Variants in ADGB observed in about 807,000 individuals in gnomAD.
The protein encoded by ADGB is calpain-7-like protein.
ADGB carries 172 observed loss-of-function variants against 210.5 expected under a neutral mutation model. The observed-to-expected ratio is 0.82, with a 90% CI of 0.72 to 0.93. The LOEUF (loss-of-function observed/expected upper bound fraction) is 0.93, where lower values mean the gene tolerates loss of function less well. ADGB is among the 40% of genes least tolerant of loss of function. The probability of loss-of-function intolerance (pLI) is 0.00; values close to 1 mark genes in which losing one functional copy is unlikely to be tolerated. For missense variants in ADGB, 2,025 were observed against 1,964.8 expected (o/e 1.03, Z -0.58); for synonymous variants, 658 against 662.7 (o/e 0.99, Z 0.11).
intron 3 of ADGB, among the ~76,000 whole-genome samples, chr6:146,647,110 A>AC (rs1775628746): frequency 1.3e-5 from 2 of 150,162 alleles, no homozygotes; most frequent in Admixed American, 1.3e-4. Context: ...AAAAACAAAA[A>AC]ACAAAAAACA....
At chr6:146,650,835 C>G (rs1775691575) in intron 3 of ADGB, among the ~76,000 whole-genome samples, 2 of 152,018 alleles carry the variant, frequency 1.3e-5, no homozygotes, top group African/African-American at 4.8e-5. Context: ...CAAACTAATC[C>G]CTGAAAGGGG....
intron 1 of ADGB, among the ~76,000 whole-genome samples, chr6:146,603,729 T>C (rs1391174049): frequency 2.6e-5 from 4 of 152,152 alleles, no homozygotes; most frequent in African/African-American, 9.7e-5. Context: ...TCAACATGTC[T>C]CTCTATATGA....
In ADGB at chr6:146,621,083, T is replaced by C. The variant is rs77437826; in HGVS notation, c.75-14292T>C. 7.6e-3 allele frequency among the ~76,000 whole-genome samples: 1,159 copies of C among 152,248 alleles called. 12 individuals carry two copies. The highest frequency in any genetic ancestry group is 0.01 in the Non-Finnish European group (697 of 68,018). On this transcript the variant is annotated intron_variant, in intron 1 of 35. Coordinates refer to ENST00000397944, the MANE Select transcript of ADGB (RefSeq NM_024694.4). ...TACTGTTTCCTCGTGTAGAAAAAAC[T>C]TACAGTGAGCACCAAAACTTAAACT...
At chr6:146,647,349 G>A (rs1014642541) in intron 3 of ADGB, among the ~76,000 whole-genome samples, 11 of 151,902 alleles carry the variant, frequency 7.2e-5, no homozygotes, top group Admixed American at 2.6e-4. Context: ...TGCCCAAAAA[G>A]CAAAGAGAAA....
Position 146,779,327 on chromosome 6 carries a change from G to C in ADGB, c.3863-2693G>C, listed in dbSNP as rs73006087. Reference sequence around the variant, plus strand: ...AGGAAGAGATCTTCAGAGACTTGTGGGACACCATCACACATACCAGCATGT... The same window carrying C: ...AGGAAGAGATCTTCAGAGACTTGTGCGACACCATCACACATACCAGCATGT... On this transcript the variant is annotated intron_variant, in intron 29 of 35. Transcript: ENST00000397944. Among the ~76,000 whole-genome samples the C allele has an allele frequency of 3.4e-3, 524 of 152,256 alleles. 2 individuals are homozygous for C. Among genetic ancestry groups the C allele is most frequent in the Non-Finnish European group, 5.9e-3 (404 of 68,018 alleles).
intron 8 of ADGB, among the ~76,000 whole-genome samples, chr6:146,675,127 T>C (rs1313226421): frequency 6.6e-6 from 1 of 152,232 alleles, no homozygotes; most frequent in Middle Eastern, 3.4e-3. Context: ...TCTTTACTTT[T>C]ATATCTAATT....
At chr6:146,645,839 A>G (rs972186395) in intron 3 of ADGB, among the ~76,000 whole-genome samples, 1 of 151,874 alleles carries the variant, frequency 6.6e-6, no homozygotes, top group East Asian at 1.9e-4. Context: ...ATGCCTACTT[A>G]TAAGATATTT....
At chr6:146,599,935 G>A (rs957986172) in intron 1 of ADGB, among the ~76,000 whole-genome samples, 1 of 152,092 alleles carries the variant, frequency 6.6e-6, no homozygotes, top group African/African-American at 2.4e-5. Context: ...TGGGGAGGGC[G>A]ATGCAATCAA....
At chr6:146,805,587 A>T (rs1023602468) in intron 35 of ADGB, among the ~76,000 whole-genome samples, 3 of 152,206 alleles carry the variant, frequency 2.0e-5, no homozygotes, top group Admixed American at 6.5e-5. Context: ...TTCCTCTCTG[A>T]TCTTTTTATC....
chr6:146,803,018 T>C (rs1349716958), intron 35 of ADGB: 1 of 1,606,368 alleles, frequency 6.2e-7, no homozygotes. Flanking sequence ...ATTCTTCAAA[T>C]TTGCTTTTAA....
Position 146,745,991 on chromosome 6 carries a change from C to T in ADGB, c.3247C>T (p.Arg1083Cys), listed in dbSNP as rs1274771179. Reference protein sequence around the residue: ...TYVAASRWKLRLIGSSAPLPC... With the variant: ...TYVAASRWKLCLIGSSAPLPC... ...TGTAGCAGCCTCACGATGGAAACTG[C>T]GTCTCATCGGTTCTTCTGCTCCACT... The change falls in exon 26 of 36, where the codon CGT becomes TGT. Residue 1083 changes from arginine (R) to cysteine (C), a missense_variant. By Grantham distance (180) the Arg-to-Cys change is radical. Coordinates refer to ENST00000397944, the MANE Select transcript of ADGB (RefSeq NM_024694.4). 3.9e-6 allele frequency: 6 copies of T among 1,551,190 alleles called. No homozygotes were observed. In the East Asian group the frequency reaches 7.3e-5, roughly 19 times the overall value.
chr6:146,686,064 T>C (rs998627841), intron 10 of ADGB, among the ~76,000 whole-genome samples: 1 of 151,968 alleles, frequency 6.6e-6, no homozygotes, highest in Admixed American at 6.6e-5. Context: ...AAAGAAAAAA[T>C]ACATAGTCAC....
intron 12 of ADGB, among the ~76,000 whole-genome samples, chr6:146,700,286 T>A (rs1776472035): frequency 6.6e-6 from 1 of 152,216 alleles, no homozygotes; most frequent in Non-Finnish European, 1.5e-5. Flanking sequence ...TGTGCTACCC[T>A]CTAGTGGCAG....
At chr6:146,617,736 C>T (rs543902830) in intron 1 of ADGB, among the ~76,000 whole-genome samples, 7 of 152,000 alleles carry the variant, frequency 4.6e-5, no homozygotes, top group South Asian at 4.1e-4. Context: ...TGATGCTATG[C>T]GTCTCTTATT....
intron 4 of ADGB, 114 bp from the exon 5 acceptor site, chr6:146,656,657 C>G: frequency 1.4e-6 from 1 of 695,694 alleles, no homozygotes. Flanking sequence ...GAATACATTA[C>G]ATGTATAATT....
intron 35 of ADGB, chr6:146,803,200 T>G: frequency 6.6e-7 from 1 of 1,517,186 alleles, no homozygotes; most frequent in Non-Finnish European, 9.2e-7. Context: ...CTCCAGAAAC[T>G]TAAAGCTACA....
At chr6:146,748,149 T>A (rs534756152) in intron 26 of ADGB, among the ~76,000 whole-genome samples, 13 of 151,954 alleles carry the variant, frequency 8.6e-5, no homozygotes, top group African/African-American at 3.1e-4. Flanking sequence ...TATTTAATCA[T>A]AAAAGACGTG....
chr6:146,802,012 G>T lies in ADGB; in HGVS notation c.4818+1G>T. On this transcript the variant is annotated splice_donor_variant, in intron 35 of 35. Coordinates refer to ENST00000397944, the MANE Select transcript of ADGB (RefSeq NM_024694.4). LOFTEE classifies it high-confidence loss of function. ...CCTGGATATGTATAAGGAAATGCAGGTGAGTCTAAAAGCACATACATAGAT... is the reference window on the plus strand; with the variant it reads ...CCTGGATATGTATAAGGAAATGCAGTTGAGTCTAAAAGCACATACATAGAT... The T allele has an allele frequency of 6.5e-7, 1 of 1,535,986 alleles. No individual in the cohort carries two copies.
intron 5 of ADGB, among the ~76,000 whole-genome samples, chr6:146,660,693 G>A (rs1269254283): frequency 6.6e-6 from 1 of 152,082 alleles, no homozygotes; most frequent in African/African-American, 2.4e-5. Flanking sequence ...AAACAATGCT[G>A]TAAAATTTCA....
Sources: gnomAD v4.1 joint callset for allele counts (sites outside exome capture counted in the v4.1 genomes callset) on GRCh38, gnomAD v4.1.1 for gene constraint, MANE v1.5 for transcripts, NCBI Gene and HGNC (gene_info 2026-07-23, HGNC 2026-07-21) for gene names.